Variants in HPD observed in about 807,000 individuals in gnomAD.
The protein encoded by HPD is 4-hydroxyphenylpyruvate dioxygenase.
A neutral mutation model predicts 56.9 loss-of-function variants in HPD; 35 were observed. That is an observed-to-expected ratio of 0.62 (90% CI 0.47 to 0.82). HPD has a LOEUF of 0.82. Ranked by LOEUF, HPD falls within the 40% of genes least tolerant of loss-of-function variation. The pLI is 0.00. For missense variants in HPD, 442 were observed against 506.8 expected, an observed-to-expected ratio of 0.87 and a Z score of 1.23; for synonymous variants, 186 against 200.2, an observed-to-expected ratio of 0.93 and a Z score of 0.60.
the HPD span, among the ~76,000 whole-genome samples, chr12:121,882,241 T>C: frequency 6.6e-6 from 1 of 151,892 alleles, no homozygotes; most frequent in African/African-American, 2.4e-5. Context: ...CAGAGTGAGG[T>C]GAAACATGGA....
intron 9 of HPD, among the ~76,000 whole-genome samples, chr12:121,848,522 G>A (rs1207343230): frequency 6.6e-6 from 1 of 151,954 alleles, no homozygotes; most frequent in South Asian, 2.1e-4. Context: ...ATGTTGGTCA[G>A]GCTGGTCTTG....
chr12:121,856,724 G>A lies in HPD; in HGVS notation c.199-99C>T, dbSNP rs1258628904. On this transcript the variant is annotated intron_variant, in intron 4 of 13. Coordinates refer to ENST00000289004, the MANE Select transcript of HPD (RefSeq NM_002150.3). ...CTGCCGACCCGAAACACCCCTGATG[G>A]AGCACAAGAACTCCTGGACCTGGGT... 4 of 1,101,160 alleles carry A rather than the reference G, an allele frequency of 3.6e-6. No individual in the cohort carries two copies. In the African/African-American group the frequency reaches 6.2e-5, roughly 17 times the overall value. 68.2% of individuals were successfully genotyped at this position (1,101,160 alleles called of 1,614,324 possible).
chr12:121,875,984 C>G, the HPD span, among the ~76,000 whole-genome samples: 1 of 152,010 alleles, frequency 6.6e-6, no homozygotes, highest in Non-Finnish European at 1.5e-5. Flanking sequence ...AGAGAAGAGA[C>G]AGCATTGGTG....
chr12:121,840,976 C>G (rs1356468488), intron 12 of HPD, among the ~76,000 whole-genome samples: 1 of 151,034 alleles, frequency 6.6e-6, no homozygotes, highest in Non-Finnish European at 1.5e-5. Context: ...AGTGAATCAC[C>G]CGAGGTCAGG....
At chr12:121,846,617 C>T (rs1050657002) in intron 11 of HPD, among the ~76,000 whole-genome samples, 22 of 152,148 alleles carry the variant, frequency 1.4e-4, no homozygotes, top group African/African-American at 5.3e-4. Context: ...GGACCATCAC[C>T]CAGGCTTCCT....
At chr12:121,851,009 AT>A (rs1461549799) in intron 7 of HPD, among the ~76,000 whole-genome samples, 1 of 151,230 alleles carries the variant, frequency 6.6e-6, no homozygotes, top group Non-Finnish European at 1.5e-5. Context: ...GATTACAGGC[AT>A]GCACCACCAC....
At chr12:121,870,850 T>C in the HPD span, among the ~76,000 whole-genome samples, 1 of 151,812 alleles carries the variant, frequency 6.6e-6, no homozygotes, top group Admixed American at 6.6e-5. Flanking sequence ...CCCGCCTCGG[T>C]CTCCCAAAGT....
In HPD at chr12:121,857,914, AG is replaced by A. The variant is rs1057493364; in HGVS notation, c.31-96del. The A allele has an allele frequency of 6.6e-6, 6 of 910,626 alleles. No homozygotes were observed. In the Admixed American group the frequency reaches 7.8e-5, roughly 12 times the overall value. 56.4% of individuals were successfully genotyped at this position (910,626 alleles called of 1,614,324 possible). ...GTCCCCTAGCCACCCTCCTTATTCCAGCCTCAACCACAGAACTTAGGAGCAG... is the reference window on the plus strand; with the variant it reads ...GTCCCCTAGCCACCCTCCTTATTCCACCTCAACCACAGAACTTAGGAGCAG... On this transcript the variant is annotated intron_variant, in intron 2 of 13. Coordinates refer to ENST00000289004, the MANE Select transcript of HPD (RefSeq NM_002150.3).
At chr12:121,881,091 C>T in the HPD span, among the ~76,000 whole-genome samples, 4 of 152,272 alleles carry the variant, frequency 2.6e-5, no homozygotes, top group Admixed American at 2.0e-4. Flanking sequence ...GTGCACAACC[C>T]AGTATCTTAT....
upstream of HPD, chr12:121,858,939 G>A: frequency 8.1e-7 from 1 of 1,232,230 alleles, no homozygotes; most frequent in South Asian, 1.2e-5. Flanking sequence ...GGGATGGGGT[G>A]GGGAGCTGAG....
upstream of HPD, among the ~76,000 whole-genome samples, chr12:121,862,484 A>G (rs1421062151): frequency 1.3e-5 from 2 of 148,604 alleles, no homozygotes; most frequent in Admixed American, 1.3e-4. Flanking sequence ...TTTAGTAGAG[A>G]TGGGGTTTCA....
chr12:121,882,199 G>C, the HPD span, among the ~76,000 whole-genome samples: 3 of 152,068 alleles, frequency 2.0e-5, no homozygotes, highest in African/African-American at 7.2e-5. Flanking sequence ...AGGAAACGAG[G>C]GGAGGATTTG....
At chr12:121,868,208 A>C (rs1878374707), upstream of HPD, among the ~76,000 whole-genome samples, 1 of 152,164 alleles carries the variant, frequency 6.6e-6, no homozygotes, top group Non-Finnish European at 1.5e-5. Context: ...CAAACAAACA[A>C]CACTGCTTAG....
rs755179164 is a variant in HPD, at chr12:121,849,062, A to G, written c.533T>C (p.Leu178Pro). Residue 178 changes from leucine (L) to proline (P), a missense_variant, in exon 9 of 14, where the codon CTG becomes CCG. Leu to Pro is a moderately conservative substitution (Grantham distance 98). Coordinates refer to ENST00000289004, the MANE Select transcript of HPD (RefSeq NM_002150.3). ...PLLPKLPKCSLEMIDHIVGNQ... is the reference protein window; with the variant it reads ...PLLPKLPKCSPEMIDHIVGNQ... ...TCCCACAATGTGGTCGATCATCTCC[A>G]GACTGCATTTGGGCCTGGGAAGGGA... 1 of 1,613,754 alleles carries G rather than the reference A, an allele frequency of 6.2e-7. No individual in the cohort carries two copies. Among genetic ancestry groups the G allele is most frequent in the South Asian group, 1.1e-5 (1 of 91,066 alleles).
chr12:121,872,442 T>C, the HPD span, among the ~76,000 whole-genome samples: 1 of 151,682 alleles, frequency 6.6e-6, no homozygotes, highest in African/African-American at 2.4e-5. Context: ...TGTTGGCCAG[T>C]CTAGTCTTGA....
chr12:121,841,654 A>G (rs1384679511), intron 12 of HPD, among the ~76,000 whole-genome samples: 1 of 152,074 alleles, frequency 6.6e-6, no homozygotes, highest in Admixed American at 6.6e-5. Flanking sequence ...TATGGGAAAG[A>G]AGCTGCTCAC....
chr12:121,885,320 A>G, the HPD span, among the ~76,000 whole-genome samples: 2 of 150,372 alleles, frequency 1.3e-5, no homozygotes, highest in African/African-American at 4.9e-5. Flanking sequence ...TCCTGACTCA[A>G]TCTCCCGAGT....
At chr12:121,854,550 A>G (rs1462632940) in intron 7 of HPD, among the ~76,000 whole-genome samples, 153 bp downstream of exon 7, 1 of 152,150 alleles carries the variant, frequency 6.6e-6, no homozygotes, top group African/African-American at 2.4e-5. Flanking sequence ...CAGTCCCCGT[A>G]CACTGGCCAG....
chr12:121,865,602 A>G (rs1308178615), upstream of HPD, among the ~76,000 whole-genome samples: 1 of 151,914 alleles, frequency 6.6e-6, no homozygotes, highest in East Asian at 1.9e-4. Context: ...GGAAAAAAAA[A>G]AAGAAAGAAA....
Sources: allele counts gnomAD v4.1 joint callset (sites outside exome capture counted in the v4.1 genomes callset), GRCh38; gene constraint gnomAD v4.1.1; transcripts MANE v1.5; gene names NCBI Gene and HGNC (gene_info 2026-07-23, HGNC 2026-07-21).